AGRN: variants seen among roughly 807,000 people sequenced by gnomAD.
The protein encoded by AGRN is agrin proteoglycan.
In AGRN, 106 loss-of-function variants were observed where a neutral mutation model predicts 211.0. The observed-to-expected ratio is 0.50, with a 90% CI of 0.43 to 0.59. The LOEUF is 0.59. Among genes scored for constraint, AGRN ranks in the 20% least tolerant of loss-of-function variants. The probability of loss-of-function intolerance (pLI) is 0.00; values close to 1 mark genes in which losing one functional copy is unlikely to be tolerated. For missense variants in AGRN, 3,040 were observed against 2,982.6 expected (o/e 1.02, Z -0.45); for synonymous variants, 1,525 against 1,332.5 (o/e 1.14, Z -3.15).
At position 1,023,909 on chromosome 1, in the gene AGRN, G is replaced by C. The variant is rs182452769; in HGVS notation, c.463+1447G>C. Among the ~76,000 whole-genome samples, 460 of 152,298 alleles carry C rather than the reference G, an allele frequency of 3.0e-3. 3 individuals are homozygous for C. Among genetic ancestry groups the C allele is most frequent in the African/African-American group, 0.01 (423 of 41,568 alleles). On this transcript the variant is annotated intron_variant, in intron 2 of 35. Coordinates refer to ENST00000379370, the MANE Select transcript of AGRN (RefSeq NM_198576.4). ...CCCAGCTGTGGGCAGTCGCACTCAG[G>C]GACGAGCTCCAGGTGGGGAGCCTGG...
intron 3 of AGRN, among the ~76,000 whole-genome samples, chr1:1,037,328 C>G (rs539435769): frequency 3.9e-5 from 6 of 152,180 alleles, no homozygotes; most frequent in African/African-American, 1.4e-4. Flanking sequence ...TCTTTACACA[C>G]TGCCCCCTTC....
chr1:1,034,406 G>C, intron 2 of AGRN: 1 of 985,680 alleles, frequency 1.0e-6, no homozygotes, highest in Non-Finnish European at 1.2e-6. Flanking sequence ...GCACCCCCAG[G>C]GCTGTGACTG....
chr1:1,024,179 G>A (rs1644469472), intron 2 of AGRN, among the ~76,000 whole-genome samples: 1 of 152,220 alleles, frequency 6.6e-6, no homozygotes, highest in Non-Finnish European at 1.5e-5. Context: ...ATCTCGGGTG[G>A]CTGGGGTCCC....
intron 33 of AGRN, chr1:1,052,397 A>ATG (rs61654105): frequency 0.038 from 11,923 of 315,566 alleles, 1,028 homozygotes; most frequent in African/African-American, 0.22. Context: ...GTCCATGTAT[A>ATG]TGTGTGTGTG....
intron 3 of AGRN, among the ~76,000 whole-genome samples, chr1:1,040,152 A>C (rs1163813115): frequency 6.6e-6 from 1 of 152,154 alleles, no homozygotes; most frequent in East Asian, 1.9e-4. Flanking sequence ...GGGAGGCGGC[A>C]GGGCTCAGCT....
intron 7 of AGRN, among the ~76,000 whole-genome samples, chr1:1,042,739 G>T (rs1417103924): frequency 6.6e-6 from 1 of 152,168 alleles, no homozygotes; most frequent in Non-Finnish European, 1.5e-5. Context: ...CCAGGAGCCC[G>T]CAGCCCGAGG....
intron 1 of AGRN, among the ~76,000 whole-genome samples, chr1:1,021,384 C>A (rs1170520720): frequency 2.0e-5 from 3 of 152,244 alleles, no homozygotes; most frequent in African/African-American, 7.2e-5. Flanking sequence ...GGAAGAGGCT[C>A]TGCCTGCGCA....
At chr1:1,038,254 A>G (rs1395844091) in intron 3 of AGRN, among the ~76,000 whole-genome samples, 1 of 152,196 alleles carries the variant, frequency 6.6e-6, no homozygotes, top group African/African-American at 2.4e-5. Flanking sequence ...GGAAGGGGCC[A>G]GGACCTGGCC....
chr1:1,039,290 C>T (rs964758591), intron 3 of AGRN, among the ~76,000 whole-genome samples: 1 of 151,690 alleles, frequency 6.6e-6, no homozygotes, highest in Non-Finnish European at 1.5e-5. Flanking sequence ...GCGGATGGCC[C>T]TCACTCAGCC....
In AGRN at chr1:1,043,695, C is replaced by G; in HGVS notation, c.1761C>G (p.His587Gln). The change falls in exon 9 of 36, where the codon CAC (histidine) becomes CAG (glutamine). Residue 587 changes from histidine (H) to glutamine (Q), a missense_variant. Physicochemically the swap from His to Gln is conservative, Grantham distance 24. Transcript: ENST00000379370. ...ECMLHVHACT[H>Q]QISLHVASAG... is the part of the protein sequence containing the mutation. The stretch of plus-strand genomic sequence containing the variant: ...TGCTGCACGTGCACGCCTGCACACA[C>G]CAGATCAGCCTGCACGTGGCCTCAG... 6.2e-7 allele frequency: 1 copy of G among 1,600,662 alleles called. No homozygotes were observed. Among genetic ancestry groups the G allele is most frequent in the Non-Finnish European group, 8.5e-7 (1 of 1,179,744 alleles).
At chr1:1,051,038 C>T (rs13303072) in intron 30 of AGRN, 12 of 1,549,120 alleles carry the variant, frequency 7.7e-6, no homozygotes, top group Non-Finnish European at 1.0e-5. Flanking sequence ...CCAGAAATCC[C>T]GCAAGGTACT....
chr1:1,039,095 G>T (rs909279883), intron 3 of AGRN, among the ~76,000 whole-genome samples: 5 of 152,236 alleles, frequency 3.3e-5, no homozygotes, highest in African/African-American at 9.6e-5. Context: ...CACCGAAGGG[G>T]ATACTGAGGC....
In AGRN at chr1:1,047,567, C is replaced by T. The variant is rs369941113; in HGVS notation, c.3517-6C>T. The T allele has an allele frequency of 3.2e-4, 510 of 1,612,792 alleles. No homozygotes were observed. The highest frequency in any genetic ancestry group is 4.8e-4 in the African/African-American group (36 of 74,942). On this transcript the variant is annotated splice_region_variant and splice_polypyrimidine_tract_variant and intron_variant, in intron 20 of 35. Coordinates refer to ENST00000379370, the MANE Select transcript of AGRN (RefSeq NM_198576.4). The stretch of plus-strand genomic sequence containing the variant: ...CCCCCAAGTCCTTGCCTACTCCCTG[C>T]CACAGCTGGACGACCTCTTCCGGAA...
Position 1,031,212 on chromosome 1 carries a change from A to G in AGRN, c.464-4065A>G, listed in dbSNP as rs548090157. Among the ~76,000 whole-genome samples the G allele has an allele frequency of 2.2e-5, 3 of 136,520 alleles. No homozygotes were observed. The highest frequency in any genetic ancestry group is 4.5e-4 in the East Asian group (2 of 4,418). 89.6% of individuals were successfully genotyped at this position (136,520 alleles called of 152,430 possible). ...GTGTGAGATCAGCATGTGTGTGTGCAGTGCATGGTGCTGTGAGTGTATCAG... is the reference window on the plus strand; with the variant it reads ...GTGTGAGATCAGCATGTGTGTGTGCGGTGCATGGTGCTGTGAGTGTATCAG... On this transcript the variant is annotated intron_variant, in intron 2 of 35. Transcript: ENST00000379370. The surrounding 1 kb of genome is among the most constrained non-coding windows in gnomAD (Gnocchi z 4.8).
At chr1:1,033,264 G>A (rs1372408178) in intron 2 of AGRN, among the ~76,000 whole-genome samples, 2 of 152,010 alleles carry the variant, frequency 1.3e-5, no homozygotes, top group Non-Finnish European at 2.9e-5. Context: ...TTTCTGGGCC[G>A]CTCACCTCAC....
chr1:1,020,721 TG>T (rs1338488620), intron 1 of AGRN, among the ~76,000 whole-genome samples: 1 of 151,708 alleles, frequency 6.6e-6, no homozygotes, highest in Non-Finnish European at 1.5e-5. Context: ...GGGCTGGGCC[TG>T]GGATCCGCTT....
chr1:1,043,549 C>T lies in AGRN; in HGVS notation c.1615C>T (p.Gln539Ter). Residue 539 changes from glutamine (Q) to a stop codon, truncating the protein, a stop_gained, in exon 9 of 36, where the codon CAG (glutamine) becomes TAG (stop). Transcript: ENST00000379370. LOFTEE classifies it high-confidence loss of function. ...ARKGPCDRCG[Q>*]CRFGALCEAE... The stretch of plus-strand genomic sequence containing the variant: ...AAGCTCCTCCCCAGACCGCTGCGGG[C>T]AGTGCCGCTTTGGAGCCCTGTGCGA... The T allele has an allele frequency of 6.2e-7, 1 of 1,604,642 alleles. No homozygotes were observed.
At position 1,047,870 on chromosome 1, in the gene AGRN, G is replaced by C. The variant is rs1396984760; in HGVS notation, c.3726G>C (p.Gln1242His). The C allele has an allele frequency of 4.4e-6, 7 of 1,606,060 alleles. No individual in the cohort carries two copies. In the African/African-American group the frequency reaches 9.4e-5, roughly 21 times the overall value. The change falls in exon 22 of 36, where the codon CAG (glutamine) becomes CAC (histidine). Residue 1242 changes from glutamine to histidine, a missense_variant. By Grantham distance (24) the Gln-to-His change is conservative (BLOSUM62 0). Around this residue, in one of 3 missense-constraint regions of AGRN, gnomAD observed 1,537 missense variants for 1,505.0 expected, o/e 1.02. Transcript: ENST00000379370. ...RRSLGVRRPL[Q>H]EHVRFMDFDW... The stretch of plus-strand genomic sequence containing the variant: ...CCTTGGGGGTGAGGCGGCCGCTGCA[G>C]GAGCACGTGCGATTTATGGACTTTG...
chr1:1,047,191 C>G (rs1349380023), intron 19 of AGRN, 136 bp from the exon 20 acceptor site: 1 of 1,431,276 alleles, frequency 7.0e-7, no homozygotes, highest in African/African-American at 1.4e-5. Flanking sequence ...ACCCTGGGGT[C>G]CCCACTAACC....
Sources: gnomAD v4.1 joint callset for allele counts (sites outside exome capture counted in the v4.1 genomes callset) on GRCh38, gnomAD v4.1.1 for gene constraint, gnomAD v4.1.1 regional missense constraint, Gnocchi (gnomAD v3.1) non-coding constraint, MANE v1.5 for transcripts, NCBI Gene and HGNC (gene_info 2026-07-23, HGNC 2026-07-21) for gene names.